WDR93: variants seen among roughly 807,000 people sequenced by gnomAD.
WDR93 encodes WD repeat domain 93.
WDR93 carries 73 observed loss-of-function variants against 82.9 expected under a neutral mutation model. The observed-to-expected ratio is 0.88, with a 90% CI of 0.73 to 1.07. WDR93 has a LOEUF of 1.07. WDR93 is among the 50% of genes least tolerant of loss of function. The probability of loss-of-function intolerance (pLI) is 0.00; values close to 1 mark genes in which losing one functional copy is unlikely to be tolerated. For synonymous variants in WDR93, 283 were observed against 300.1 expected (o/e 0.94, Z 0.59); for missense variants, 738 against 826.0 (o/e 0.89, Z 1.31).
At chr15:89,726,935 A>G (rs75671348) in intron 8 of WDR93, among the ~76,000 whole-genome samples, 2,312 of 152,304 alleles carry the variant, frequency 0.015, 64 homozygotes, top group African/African-American at 0.053. Flanking sequence ...GGATGAAGAT[A>G]CAGAAGAAGG....
intron 1 of WDR93, among the ~76,000 whole-genome samples, chr15:89,700,488 G>A (rs1305184054): frequency 6.7e-6 from 1 of 150,100 alleles, no homozygotes; most frequent in Non-Finnish European, 1.5e-5. Context: ...TTTATCTCAT[G>A]TTCTACATTA....
At chr15:89,735,606 G>A in intron 14 of WDR93, 53 bp downstream of exon 14, 2 of 1,553,864 alleles carry the variant, frequency 1.3e-6, no homozygotes, top group South Asian at 2.2e-5. Context: ...TTTCTCTTCT[G>A]TGAATGTGTT....
Position 89,727,284 on chromosome 15 carries a change from C to T in WDR93, c.1008C>T (p.Ser336=). The T allele has an allele frequency of 1.2e-6, 2 of 1,614,112 alleles. No homozygotes were observed. The highest frequency in any genetic ancestry group is 1.7e-6 in the Non-Finnish European group (2 of 1,180,006). ...AGCAAGCTGAGATCTTCAACGCTTC[C>T]TACAAGAAGTACCTAGATAGGGAGT... is the stretch of plus-strand genomic sequence containing the variant. The part of the protein sequence containing the change: ...WEQQAEIFNA[S]YKKYLDREWE... Residue 336 remains serine, a synonymous_variant, in exon 9 of 17, where the codon TCC becomes TCT. Coordinates refer to ENST00000268130, the MANE Select transcript of WDR93 (RefSeq NM_020212.2).
At chr15:89,693,891 G>A (rs1232348586) in intron 1 of WDR93, among the ~76,000 whole-genome samples, 1 of 152,186 alleles carries the variant, frequency 6.6e-6, no homozygotes, top group Admixed American at 6.5e-5. Context: ...CTGGAACTGG[G>A]GATAATCAGA....
At chr15:89,705,187 G>C (rs1965671237) in intron 3 of WDR93, 1 of 218,454 alleles carries the variant, frequency 4.6e-6, no homozygotes, top group Non-Finnish European at 9.0e-6. Flanking sequence ...TTCTCAAGAG[G>C]AATACAATAC....
chr15:89,705,281 G>A (rs1036210053), intron 3 of WDR93: 2 of 436,432 alleles, frequency 4.6e-6, no homozygotes, highest in Admixed American at 4.1e-5. Flanking sequence ...ACCAGTGGAT[G>A]GATGTAGCCC....
chr15:89,727,449 G>A (rs1387524681), intron 9 of WDR93, 121 bp downstream of exon 9: 52 of 1,132,738 alleles, frequency 4.6e-5, no homozygotes, highest in East Asian at 1.8e-4. Flanking sequence ...TTCTGGGGCC[G>A]GGACAGTGGC....
At chr15:89,708,095 G>A (rs925826241) in intron 4 of WDR93, among the ~76,000 whole-genome samples, 8 of 152,140 alleles carry the variant, frequency 5.3e-5, no homozygotes, top group Admixed American at 5.2e-4. Flanking sequence ...AACTAACCTA[G>A]TGATGGAAAA....
At chr15:89,743,029 A>G (rs113855403) in intron 16 of WDR93, among the ~76,000 whole-genome samples, 2,556 of 152,264 alleles carry the variant, frequency 0.017, 87 homozygotes, top group African/African-American at 0.059. Flanking sequence ...CTTGTTTGCA[A>G]ATAGCCTTTT....
In WDR93 at chr15:89,743,443, C is replaced by T; in HGVS notation, c.*52C>T. 2 of 1,573,612 alleles carry T rather than the reference C, an allele frequency of 1.3e-6. No homozygotes were observed. The highest frequency in any genetic ancestry group is 1.8e-4 in the Middle Eastern group (1 of 5,644). On this transcript the variant is annotated 3_prime_UTR_variant, in exon 17 of 17. Transcript: ENST00000268130. The stretch of plus-strand genomic sequence containing the variant: ...AAAGGAGGTTTCAGCCACGAGGCAG[C>T]TGCTCCCAGGACACTGAGGCCAAGA...
chr15:89,715,574 T>A (rs1278460573), intron 6 of WDR93, among the ~76,000 whole-genome samples: 2 of 152,102 alleles, frequency 1.3e-5, no homozygotes, highest in Non-Finnish European at 2.9e-5. Flanking sequence ...TGACTGGGCC[T>A]TGTGCTGTTT....
intron 6 of WDR93, among the ~76,000 whole-genome samples, chr15:89,715,972 T>A (rs1313312986): frequency 1.3e-5 from 2 of 152,386 alleles, no homozygotes; most frequent in African/African-American, 4.8e-5. Context: ...TTTTTACTTT[T>A]AAACCACCAA....
At chr15:89,740,562 C>T (rs112188932) in intron 16 of WDR93, among the ~76,000 whole-genome samples, 2,645 of 152,264 alleles carry the variant, frequency 0.017, 92 homozygotes, top group African/African-American at 0.06. Flanking sequence ...AGTGCACTGG[C>T]GCGATCTCGG....
At chr15:89,697,610 C>CTT (rs1285179913) in intron 1 of WDR93, among the ~76,000 whole-genome samples, 1 of 152,112 alleles carries the variant, frequency 6.6e-6, no homozygotes, top group Non-Finnish European at 1.5e-5. Context: ...TTGCAATCTG[C>CTT]TGTTTTGGGT....
At position 89,726,369 on chromosome 15, in the gene WDR93, C is replaced by T. The variant is rs536193061; in HGVS notation, c.881-788C>T. ...AACAAGTTCCCAGGTGACTCTGCCA[C>T]TGCTGATCTGGCATCGTCCTTTGAG... On this transcript the variant is annotated intron_variant, in intron 8 of 16. Coordinates refer to ENST00000268130, the MANE Select transcript of WDR93 (RefSeq NM_020212.2). Among the ~76,000 whole-genome samples the T allele has an allele frequency of 1.3e-3, 191 of 152,352 alleles. 1 individual carries two copies. The South Asian group carries it at 0.014, about 11-fold the overall frequency.
rs756529456 is a variant in WDR93, at chr15:89,715,101, A to C, written c.756+6A>C. The C allele has an allele frequency of 1.9e-6, 3 of 1,611,896 alleles. 1 individual carries two copies. In the South Asian group the frequency reaches 3.3e-5, roughly 18 times the overall value. Reference sequence around the variant, plus strand: ...AAGTCAGACAGCCGCAACTGGTAGGAAATATCTCTGCTTTCAGCTGATATG... The same window carrying C: ...AAGTCAGACAGCCGCAACTGGTAGGCAATATCTCTGCTTTCAGCTGATATG... On this transcript the variant is annotated splice_donor_region_variant and intron_variant, in intron 6 of 16. Coordinates refer to ENST00000268130, the MANE Select transcript of WDR93 (RefSeq NM_020212.2).
chr15:89,739,570 T>A (rs1967490728), intron 16 of WDR93, among the ~76,000 whole-genome samples: 1 of 152,174 alleles, frequency 6.6e-6, no homozygotes, highest in African/African-American at 2.4e-5. Flanking sequence ...TTCTAATCCA[T>A]CTCACAATAA....
chr15:89,720,801 A>G (rs771948493), intron 7 of WDR93, among the ~76,000 whole-genome samples: 1 of 152,192 alleles, frequency 6.6e-6, no homozygotes, highest in Non-Finnish European at 1.5e-5. Context: ...ATGTTTGAAG[A>G]CCAATAAAGC....
upstream of WDR93, chr15:89,690,738 G>C (rs8029037): frequency 0.19 from 140,706 of 744,670 alleles, 14,868 homozygotes; most frequent in Middle Eastern, 0.27. Context: ...CGCTGAGGGG[G>C]AGGGGCTGAG....
Sources: allele counts gnomAD v4.1 joint callset (sites outside exome capture counted in the v4.1 genomes callset), GRCh38; gene constraint gnomAD v4.1.1; transcripts MANE v1.5; gene names NCBI Gene and HGNC (gene_info 2026-07-23, HGNC 2026-07-21).